Variants in ROCK2 observed in about 807,000 individuals in gnomAD.
ROCK2 encodes rho-associated protein kinase 2.
A neutral mutation model predicts 195.1 loss-of-function variants in ROCK2; 61 were observed. The ratio of observed to expected loss-of-function variants is 0.31; its 90% CI spans 0.25 to 0.39. The LOEUF (loss-of-function observed/expected upper bound fraction) is 0.39. Among genes scored for constraint, ROCK2 ranks in the 10% least tolerant of loss-of-function variants. The pLI, the probability that ROCK2 is intolerant of heterozygous loss-of-function variation, is 1.00. For missense variants in ROCK2, 1,109 were observed against 1,637.4 expected, an observed-to-expected ratio of 0.68 and a Z score of 5.57; for synonymous variants, 504 against 545.5, an observed-to-expected ratio of 0.92 and a Z score of 1.06.
rs553658580 is a variant in ROCK2, at chr2:11,293,542, A to G, written c.142-5806T>C. Among the ~76,000 whole-genome samples the G allele has an allele frequency of 2.5e-4, 38 of 152,344 alleles. 3 individuals carry two copies. In the South Asian group the frequency reaches 7.5e-3, roughly 30 times the overall value. ...GACTTTTCCTTGAGCCTCAGGCTCT[A>G]ACATGGCTCAGCATGGCAAGATAGG... On this transcript the variant is annotated intron_variant, in intron 1 of 32. Transcript: ENST00000315872.
In ROCK2 at chr2:11,179,791, TA is replaced by T. The variant is rs1033820475; in HGVS notation, c.*3645del. Reference sequence around the variant, plus strand: ...GCTTATGTCTCCATTTATTTTATTTTATTTTTTTATAAAAAAGCAGGCATAA... The same window carrying T: ...GCTTATGTCTCCATTTATTTTATTTTTTTTTTTATAAAAAAGCAGGCATAA... On this transcript the variant is annotated 3_prime_UTR_variant, in exon 33 of 33. Transcript: ENST00000315872. 6 of 152,204 alleles carry T rather than the reference TA, an allele frequency of 3.9e-5. No homozygotes were observed. The highest frequency in any genetic ancestry group is 7.3e-5 in the Non-Finnish European group (5 of 68,042). 9.4% of individuals were successfully genotyped at this position (152,204 alleles called of 1,614,324 possible). A position where few individuals can be genotyped will look rare whatever the true frequency, so the allele number is the denominator to read the frequency against.
intron 17 of ROCK2, among the ~76,000 whole-genome samples, chr2:11,213,266 A>T (rs2148062522): frequency 6.6e-6 from 1 of 152,252 alleles, no homozygotes; most frequent in Admixed American, 6.5e-5. Flanking sequence ...TCTATCTTTA[A>T]TGTACCTCTA....
intron 4 of ROCK2, among the ~76,000 whole-genome samples, chr2:11,245,178 A>G (rs1665570152): frequency 6.6e-6 from 1 of 151,162 alleles, no homozygotes; most frequent in African/African-American, 2.4e-5. Context: ...TTAGCAATGA[A>G]ATTTATATTC....
chr2:11,221,063 G>A (rs1464830946), intron 9 of ROCK2, 135 bp downstream of exon 9: 2 of 549,596 alleles, frequency 3.6e-6, no homozygotes, highest in African/African-American at 4.0e-5. Context: ...ATAAAATTAA[G>A]AATTCTTCTG....
intron 30 of ROCK2, 134 bp downstream of exon 30, chr2:11,193,645 G>T: frequency 2.2e-6 from 1 of 455,926 alleles, no homozygotes. Context: ...CTTTAAATAG[G>T]ACTGAAACAT....
At chr2:11,288,531 T>C (rs534089116) in intron 1 of ROCK2, among the ~76,000 whole-genome samples, 1 of 152,320 alleles carries the variant, frequency 6.6e-6, no homozygotes, top group South Asian at 2.1e-4. Context: ...GACTTTGATT[T>C]CCTCAGGGTC....
chr2:11,339,314 T>C (rs943775199), intron 1 of ROCK2, among the ~76,000 whole-genome samples: 4 of 152,122 alleles, frequency 2.6e-5, no homozygotes, highest in Non-Finnish European at 5.9e-5. Context: ...GCGGTAAATA[T>C]ATGGATGTTC....
chr2:11,313,591 C>G (rs925365316), intron 1 of ROCK2, among the ~76,000 whole-genome samples: 3 of 151,320 alleles, frequency 2.0e-5, no homozygotes, highest in Non-Finnish European at 4.4e-5. Flanking sequence ...AATAATAGTG[C>G]TGTGTCTGCC....
In ROCK2 at chr2:11,250,588, G is replaced by A. The variant is rs182068640; in HGVS notation, c.325-790C>T. On this transcript the variant is annotated intron_variant, in intron 3 of 32. Transcript: ENST00000315872. ...AAACTGAAACTCCTAATCTTCACCC[G>A]AATTTATTCCTCCCACAGTTATTCC... Among the ~76,000 whole-genome samples, 8 of 152,238 alleles carry A rather than the reference G, an allele frequency of 5.3e-5. No homozygotes were observed. The East Asian group carries it at 1.2e-3, about 22-fold the overall frequency.
chr2:11,296,206 T>C (rs575630923), intron 1 of ROCK2, among the ~76,000 whole-genome samples: 8 of 152,258 alleles, frequency 5.3e-5, no homozygotes, highest in African/African-American at 1.9e-4. Flanking sequence ...AAGCAACATT[T>C]GTCTGTAAAA....
At chr2:11,206,127 G>A (rs1270448339) in intron 20 of ROCK2, among the ~76,000 whole-genome samples, 2 of 151,778 alleles carry the variant, frequency 1.3e-5, no homozygotes, top group African/African-American at 4.8e-5. Context: ...AAAAAGGACT[G>A]GGGAGAACAA....
At chr2:11,286,734 C>T in intron 2 of ROCK2, 95 bp from the exon 3 acceptor site, 2 of 740,010 alleles carry the variant, frequency 2.7e-6, no homozygotes, top group Non-Finnish European at 4.1e-6. Context: ...CAAGAAAAGA[C>T]AGTTTTTAGC....
chr2:11,216,018 T>C (rs1664413362), intron 13 of ROCK2, 140 bp downstream of exon 13: 1 of 675,864 alleles, frequency 1.5e-6, no homozygotes, highest in Admixed American at 2.7e-5. Flanking sequence ...GATTTCCCTA[T>C]AATTTAGTCC....
chr2:11,340,218 TG>T (rs1028141615), intron 1 of ROCK2, among the ~76,000 whole-genome samples: 12 of 152,302 alleles, frequency 7.9e-5, no homozygotes, highest in Admixed American at 1.3e-4. Context: ...CTTGAAAATC[TG>T]GGCAACACCC....
At chr2:11,331,000 GAGGAAGGAGCAGAAAGA>G in intron 1 of ROCK2, among the ~76,000 whole-genome samples, 1 of 79,234 alleles carries the variant, frequency 1.3e-5, no homozygotes, top group African/African-American at 4.8e-5. Flanking sequence ...GAGGAGGAGG[GAGGAAGGAGCAGAAAGA>G]AGGAGGGAGG....
rs1204491860 is a variant in ROCK2, at chr2:11,197,230, G to T, written c.3398C>A (p.Ser1133Tyr). The T allele has an allele frequency of 2.5e-6, 4 of 1,613,790 alleles. No individual in the cohort carries two copies. The highest frequency in any genetic ancestry group is 3.4e-6 in the Non-Finnish European group (4 of 1,179,824). Residue 1133 changes from serine to tyrosine, a missense_variant, in exon 27 of 33, where the codon TCC becomes TAC. Ser to Tyr is a moderately radical substitution (Grantham distance 144). Coordinates refer to ENST00000315872, the MANE Select transcript of ROCK2 (RefSeq NM_004850.5). The surrounding 1 kb of genome is among the most constrained non-coding windows in gnomAD (Gnocchi z 4.9). Reference sequence around the variant, plus strand: ...ATCCCCTGGTCCACTGCCTATACTGGAACTATCCAGACCAATATGCAAGGC... The same window carrying T: ...ATCCCCTGGTCCACTGCCTATACTGTAACTATCCAGACCAATATGCAAGGC... ...LQALHIGLDS[S>Y]SIGSGPGDAE...
chr2:11,287,437 T>C (rs1448521110), intron 2 of ROCK2, among the ~76,000 whole-genome samples: 1 of 152,196 alleles, frequency 6.6e-6, no homozygotes, highest in Non-Finnish European at 1.5e-5. Flanking sequence ...TATTTCAAAA[T>C]TTAGAACTTT....
intron 4 of ROCK2, among the ~76,000 whole-genome samples, chr2:11,238,686 CA>C (rs1400586129): frequency 6.6e-6 from 1 of 152,012 alleles, no homozygotes; most frequent in Non-Finnish European, 1.5e-5. Flanking sequence ...TGTCTCTATA[CA>C]AATATTAAAA....
chr2:11,244,179 T>C (rs929416252), intron 4 of ROCK2, among the ~76,000 whole-genome samples: 9 of 152,226 alleles, frequency 5.9e-5, no homozygotes, highest in Non-Finnish European at 8.8e-5. Context: ...TAAAATTGTA[T>C]TTATTATCTC....
Sources: gnomAD v4.1 joint callset for allele counts (sites outside exome capture counted in the v4.1 genomes callset) on GRCh38, gnomAD v4.1.1 for gene constraint, Gnocchi (gnomAD v3.1) non-coding constraint, MANE v1.5 for transcripts, NCBI Gene and HGNC (gene_info 2026-07-23, HGNC 2026-07-21) for gene names.